Variants in GPC5 observed in about 807,000 individuals in gnomAD.
GPC5 encodes glypican-5.
In GPC5, 47 loss-of-function variants were observed where a neutral mutation model predicts 53.9. The observed-to-expected ratio is 0.87, with a 90% confidence interval of 0.69 to 1.11. The LOEUF (loss-of-function observed/expected upper bound fraction) is 1.11. Among genes scored for constraint, GPC5 ranks in the 50% most tolerant of loss-of-function variants. The pLI is 0.00. For missense variants in GPC5, 748 were observed against 713.1 expected, an observed-to-expected ratio of 1.05 and a Z score of -0.56; for synonymous variants, 286 against 263.3, an observed-to-expected ratio of 1.09 and a Z score of -0.84.
chr13:91,493,481 A>G (rs1159418383), intron 2 of GPC5, among the ~76,000 whole-genome samples: 8 of 151,774 alleles, frequency 5.3e-5, no homozygotes, highest in Non-Finnish European at 1.0e-4. Context: ...AACCATCTCC[A>G]TTTCTCCCCT....
intron 7 of GPC5, among the ~76,000 whole-genome samples, chr13:92,805,071 AC>A (rs1464491462): frequency 1.3e-5 from 2 of 152,020 alleles, no homozygotes; most frequent in Non-Finnish European, 2.9e-5. Context: ...GAAATTCTGA[AC>A]CCTTGAAAGT....
intron 5 of GPC5, among the ~76,000 whole-genome samples, chr13:91,811,445 T>C (rs2038310616): frequency 6.6e-6 from 1 of 152,078 alleles, no homozygotes. Context: ...TGTATAATGA[T>C]AAACAGTATA....
intron 6 of GPC5, among the ~76,000 whole-genome samples, chr13:91,987,778 A>T (rs905844854): frequency 6.9e-6 from 1 of 145,386 alleles, no homozygotes; most frequent in Non-Finnish European, 1.5e-5. Context: ...AATACTATTT[A>T]TATATATAGT....
intron 6 of GPC5, among the ~76,000 whole-genome samples, chr13:91,920,922 C>CTT (rs2039705618): frequency 3.3e-5 from 2 of 61,480 alleles, no homozygotes; most frequent in African/African-American, 6.7e-5. Flanking sequence ...CTCTCTCTCT[C>CTT]TCTCTTTTTT....
At chr13:92,443,930 A>C (rs142777974) in intron 7 of GPC5, among the ~76,000 whole-genome samples, 1 of 152,324 alleles carries the variant, frequency 6.6e-6, no homozygotes, top group Non-Finnish European at 1.5e-5. Context: ...AGCTGAGATG[A>C]GAAACCACAC....
chr13:91,523,475 G>A (rs957667734), intron 2 of GPC5, among the ~76,000 whole-genome samples: 1 of 152,160 alleles, frequency 6.6e-6, no homozygotes, highest in Non-Finnish European at 1.5e-5. Flanking sequence ...AGCCACCACG[G>A]AGAGACAAAT....
At chr13:92,339,175 TTATATTA>T (rs571843288) in intron 7 of GPC5, among the ~76,000 whole-genome samples, 1,773 of 151,118 alleles carry the variant, frequency 0.012, 14 homozygotes, top group Middle Eastern at 0.032. Context: ...TCATATGTAT[TTATATTA>T]TATATTATAT....
intron 2 of GPC5, among the ~76,000 whole-genome samples, chr13:91,463,604 G>A (rs530371953): frequency 6.6e-4 from 101 of 152,230 alleles, no homozygotes; most frequent in African/African-American, 1.7e-3. Flanking sequence ...GGATAGACAC[G>A]TAGAACAGAT....
At chr13:92,266,890 T>G (rs533424619) in intron 7 of GPC5, among the ~76,000 whole-genome samples, 1 of 152,122 alleles carries the variant, frequency 6.6e-6, no homozygotes, top group Non-Finnish European at 1.5e-5. Flanking sequence ...CACAATTTTT[T>G]TTTTTTGTTA....
intron 7 of GPC5, among the ~76,000 whole-genome samples, chr13:92,697,528 T>G (rs1269167426): frequency 6.6e-6 from 1 of 152,192 alleles, no homozygotes. Flanking sequence ...TGCTTGTGAT[T>G]TTTGCACATT....
rs534174278 is a variant in GPC5 at position 92,482,361 on chromosome 13, G to A, written c.1561+337372G>A. Among the ~76,000 whole-genome samples, 12 of 152,032 alleles carry A rather than the reference G, an allele frequency of 7.9e-5. No individual in the cohort carries two copies. In the South Asian group the frequency reaches 1.2e-3, roughly 16 times the overall value. ...CTAAAAGCTGTTTAGCTTCCCACTC[G>A]CCCCTATCTTATTTTTTTCCATTAG... On this transcript the variant is annotated intron_variant, in intron 7 of 7. Transcript: ENST00000377067.
intron 7 of GPC5, among the ~76,000 whole-genome samples, chr13:92,607,157 C>T (rs1405905430): frequency 6.6e-5 from 10 of 152,182 alleles, no homozygotes; most frequent in African/African-American, 1.2e-4. Flanking sequence ...AGCAAGACCA[C>T]AAATCTAATA....
chr13:92,398,246 GGT>G (rs899771072), intron 7 of GPC5, among the ~76,000 whole-genome samples: 23 of 150,886 alleles, frequency 1.5e-4, no homozygotes, highest in African/African-American at 5.4e-4. Context: ...CGGCTAAAAC[GGT>G]GAAACCCCGT....
At chr13:91,874,535 C>G (rs1355649386) in intron 5 of GPC5, among the ~76,000 whole-genome samples, 2 of 151,852 alleles carry the variant, frequency 1.3e-5, no homozygotes, top group Non-Finnish European at 2.9e-5. Context: ...ACATCTATGC[C>G]CATATATTTT....
At chr13:91,603,759 C>A (rs2033257995) in intron 2 of GPC5, among the ~76,000 whole-genome samples, 3 of 151,978 alleles carry the variant, frequency 2.0e-5, no homozygotes, top group Admixed American at 1.3e-4. Flanking sequence ...TGAGAACATA[C>A]AATATGGACT....
intron 5 of GPC5, among the ~76,000 whole-genome samples, chr13:91,836,064 G>T (rs1315070931): frequency 6.6e-6 from 1 of 151,968 alleles, no homozygotes; most frequent in African/African-American, 2.4e-5. Flanking sequence ...TAATGTGATG[G>T]TGTGGGGGAA....
chr13:91,762,375 C>T (rs1406138924), intron 5 of GPC5, among the ~76,000 whole-genome samples: 1 of 149,058 alleles, frequency 6.7e-6, no homozygotes. Flanking sequence ...TTTCTTTTTT[C>T]TTCCTGACCT....
intron 7 of GPC5, among the ~76,000 whole-genome samples, chr13:92,575,276 C>T (rs1479304291): frequency 6.6e-6 from 1 of 152,126 alleles, no homozygotes; most frequent in African/African-American, 2.4e-5. Context: ...CAAAAGGAGA[C>T]CATCCTGGAC....
At chr13:91,938,611 A>G (rs1162977771) in intron 6 of GPC5, among the ~76,000 whole-genome samples, 1 of 152,162 alleles carries the variant, frequency 6.6e-6, no homozygotes, top group Non-Finnish European at 1.5e-5. Flanking sequence ...CAATGTTTAA[A>G]GAGCATCCTG....
Sources: allele counts gnomAD v4.1 joint callset (sites outside exome capture counted in the v4.1 genomes callset), GRCh38; gene constraint gnomAD v4.1.1; transcripts MANE v1.5; gene names NCBI Gene and HGNC (gene_info 2026-07-23, HGNC 2026-07-21).